UBE2G2: variants seen among roughly 807,000 people sequenced by gnomAD.
UBE2G2 encodes the protein ubiquitin conjugating enzyme E2 G2.
UBE2G2 carries 10 observed loss-of-function variants against 23.0 expected under a neutral mutation model. That is an observed-to-expected ratio of 0.43 (90% CI 0.27 to 0.74). The LOEUF is 0.74. Ranked by LOEUF, UBE2G2 falls within the 30% of genes least tolerant of loss-of-function variation. The pLI, the probability that UBE2G2 is intolerant of heterozygous loss-of-function variation, is 0.19. For synonymous variants in UBE2G2, 86 were observed against 81.3 expected (o/e 1.06, Z -0.31); for missense variants, 150 against 218.3 (o/e 0.69, Z 1.97).
At chr21:44,781,256 C>T (rs1555961299) in intron 3 of UBE2G2, among the ~76,000 whole-genome samples, 1 of 152,222 alleles carries the variant, frequency 6.6e-6, no homozygotes. Flanking sequence ...GCACCCTCCA[C>T]TCTGGGGGAA....
chr21:44,778,948 A>T (rs931366154), intron 3 of UBE2G2, among the ~76,000 whole-genome samples: 1 of 152,266 alleles, frequency 6.6e-6, no homozygotes, highest in Admixed American at 6.5e-5. Context: ...CAGGAAAAAA[A>T]TAATTTAAAA....
chr21:44,791,348 T>C (rs1406852743), intron 1 of UBE2G2, among the ~76,000 whole-genome samples: 1 of 151,930 alleles, frequency 6.6e-6, no homozygotes, highest in African/African-American at 2.4e-5. Context: ...CAGGGAGGCC[T>C]AGGAGGGAAA....
intron 1 of UBE2G2, among the ~76,000 whole-genome samples, chr21:44,789,914 C>T (rs1253975642): frequency 2.6e-5 from 4 of 151,970 alleles, no homozygotes; most frequent in African/African-American, 9.7e-5. Context: ...CATGTAAGGG[C>T]ACAAGGAGAA....
chr21:44,798,954 G>A (rs535350074), intron 1 of UBE2G2, among the ~76,000 whole-genome samples: 47 of 152,286 alleles, frequency 3.1e-4, no homozygotes, highest in East Asian at 7.7e-4. Flanking sequence ...AAGTGCTCCC[G>A]GATCCATGGG....
intron 3 of UBE2G2, among the ~76,000 whole-genome samples, chr21:44,782,529 A>G (rs1569296470): frequency 6.6e-6 from 1 of 152,250 alleles, no homozygotes; most frequent in Non-Finnish European, 1.5e-5. Flanking sequence ...AAATTTCCCA[A>G]TTTTAAAACT....
At position 44,771,243 on chromosome 21, in the gene UBE2G2, A is replaced by G; in HGVS notation, c.*134T>C. ...CTGTTTGAAGTAGGAAAGGTTTGAA[A>G]AAAAAAAAAGATGCCATGGTTCTTG... On this transcript the variant is annotated 3_prime_UTR_variant, in exon 6 of 6. Coordinates refer to ENST00000345496, the MANE Select transcript of UBE2G2 (RefSeq NM_003343.6). This position sits in a 1 kb window ranked among gnomAD's most constrained non-coding sequence, Gnocchi z 4.6. The G allele has an allele frequency of 1.3e-6, 1 of 788,568 alleles. No homozygotes were observed. Among genetic ancestry groups the G allele is most frequent in the Non-Finnish European group, 2.0e-6 (1 of 498,486 alleles). 48.8% of individuals were successfully genotyped at this position (788,568 alleles called of 1,614,324 possible). A position where few individuals can be genotyped will look rare whatever the true frequency, so the allele number is the denominator to read the frequency against.
intron 1 of UBE2G2, among the ~76,000 whole-genome samples, chr21:44,795,271 TAAAA>T (rs879951622): frequency 2.0e-5 from 3 of 149,692 alleles, no homozygotes; most frequent in Non-Finnish European, 4.5e-5. Flanking sequence ...AAATAAAAAA[TAAAA>T]AAAAATAAAT....
intron 3 of UBE2G2, among the ~76,000 whole-genome samples, chr21:44,784,622 G>A (rs1308175304): frequency 1.3e-5 from 2 of 152,060 alleles, no homozygotes; most frequent in Non-Finnish European, 2.9e-5. Flanking sequence ...GGACATAAAG[G>A]GAGGCTGCTG....
chr21:44,769,378 ATTTTTTTTTTT>A lies in UBE2G2; in HGVS notation c.*1988_*1998del, dbSNP rs35406176. The A allele has an allele frequency of 1.7e-5, 2 of 117,498 alleles. No homozygotes were observed. The highest frequency in any genetic ancestry group is 3.3e-5 in the African/African-American group (1 of 29,870). The allele number at this position is 117,498 out of a possible 1,614,324, so 7.3% of individuals were successfully genotyped here. On this transcript the variant is annotated 3_prime_UTR_variant, in exon 6 of 6. Coordinates refer to ENST00000345496, the MANE Select transcript of UBE2G2 (RefSeq NM_003343.6). Reference sequence around the variant, plus strand: ...AATACGAGTTCTTGCCCTGCGTTCCATTTTTTTTTTTTTTTTTTTTGAGACAGAGTCTCACT... The same window carrying A: ...AATACGAGTTCTTGCCCTGCGTTCCATTTTTTTTTGAGACAGAGTCTCACT...
At chr21:44,788,635 TC>T (rs2083019640) in intron 1 of UBE2G2, among the ~76,000 whole-genome samples, 1 of 152,006 alleles carries the variant, frequency 6.6e-6, no homozygotes, top group Non-Finnish European at 1.5e-5. Flanking sequence ...TTTTTCTTTT[TC>T]TTTTTACAAA....
chr21:44,770,893 A>G lies in UBE2G2; in HGVS notation c.*484T>C, dbSNP rs895323595. The G allele has an allele frequency of 2.0e-5, 3 of 153,362 alleles. No homozygotes were observed. The highest frequency in any genetic ancestry group is 7.2e-5 in the African/African-American group (3 of 41,490). 9.5% of individuals were successfully genotyped at this position (153,362 alleles called of 1,614,324 possible). ...AAAATATGAAGGAAGAAAGGAAGTA[A>G]TGGACTCCTCATGGGGCCCACAGGG... is the stretch of plus-strand genomic sequence containing the variant. On this transcript the variant is annotated 3_prime_UTR_variant, in exon 6 of 6. Coordinates refer to ENST00000345496, the MANE Select transcript of UBE2G2 (RefSeq NM_003343.6).
chr21:44,777,478 T>A (rs1011422504), intron 3 of UBE2G2, 61 bp from the exon 4 acceptor site: 1 of 1,517,084 alleles, frequency 6.6e-7, no homozygotes, highest in African/African-American at 1.4e-5. Context: ...TCGACCACAA[T>A]TGACAAATGG....
chr21:44,789,384 CAA>C (rs56695709), intron 1 of UBE2G2: 126 of 82,332 alleles, frequency 1.5e-3, no homozygotes, highest in South Asian at 7.2e-3. Context: ...GACTCTGTCT[CAA>C]AAAAAAAAAA....
chr21:44,774,671 A>G, intron 4 of UBE2G2: 1 of 455,630 alleles, frequency 2.2e-6, no homozygotes, highest in Non-Finnish European at 4.4e-6. Flanking sequence ...CAGGAACTGA[A>G]CCACAACTTC....
chr21:44,800,353 G>C (rs948749637), intron 1 of UBE2G2: 1 of 151,810 alleles, frequency 6.6e-6, no homozygotes, highest in Non-Finnish European at 1.5e-5. Flanking sequence ...CATATCCATG[G>C]ATTCGACCAA....
chr21:44,791,328 C>T (rs372517431), intron 1 of UBE2G2, among the ~76,000 whole-genome samples: 19 of 152,246 alleles, frequency 1.2e-4, no homozygotes, highest in African/African-American at 4.6e-4. Flanking sequence ...GCAGCCCCTC[C>T]CATCACAAGC....
In UBE2G2 at chr21:44,801,805, C is replaced by A. The variant is rs1755045323; in HGVS notation, c.-57G>T. The A allele has an allele frequency of 5.4e-6, 8 of 1,492,752 alleles. No individual in the cohort carries two copies. In the Admixed American group the frequency reaches 1.9e-4, roughly 35 times the overall value. 92.5% of individuals were successfully genotyped at this position (1,492,752 alleles called of 1,614,324 possible). On this transcript the variant is annotated 5_prime_UTR_variant, in exon 1 of 6. Coordinates refer to ENST00000345496, the MANE Select transcript of UBE2G2 (RefSeq NM_003343.6). ...CCTCAGCCGCGCGCGTGCCTCCTGC[C>A]CCGACACCGGGGACTGCTTCCGGGC... is the stretch of plus-strand genomic sequence containing the variant.
At chr21:44,786,184 G>C (rs1555961963) in intron 3 of UBE2G2, among the ~76,000 whole-genome samples, 1 of 152,068 alleles carries the variant, frequency 6.6e-6, no homozygotes, top group Non-Finnish European at 1.5e-5. Flanking sequence ...GCTGGCATGA[G>C]TGCAGGTGCG....
Position 44,788,287 on chromosome 21 carries a change from G to GTTTTTT in UBE2G2, c.44-198_44-193dup, listed in dbSNP as rs71326069. ...GATAACAACTACACAAAGTTTTTTT[G>GTTTTTT]TTTTTTTTTTGTTTTTTTTTGAGAC... On this transcript the variant is annotated intron_variant, in intron 1 of 5. Transcript: ENST00000345496. Among the ~76,000 whole-genome samples, 46 of 135,616 alleles carry GTTTTTT rather than the reference G, an allele frequency of 3.4e-4. 3 individuals carry two copies. The highest frequency in any genetic ancestry group is 8.7e-3 in the Middle Eastern group (2 of 230). 89.0% of individuals were successfully genotyped at this position (135,616 alleles called of 152,430 possible).
Sources: allele counts gnomAD v4.1 joint callset (sites outside exome capture counted in the v4.1 genomes callset), GRCh38; gene constraint gnomAD v4.1.1; non-coding constraint Gnocchi (gnomAD v3.1); transcripts MANE v1.5; gene names NCBI Gene and HGNC (gene_info 2026-07-23, HGNC 2026-07-21).